Variants in ERBB4 observed in about 807,000 individuals in gnomAD.
ERBB4 encodes erb-b2 receptor tyrosine kinase 4.
Under a neutral mutation model 158.0 loss-of-function variants are expected in ERBB4, and 42 were observed. The observed-to-expected ratio is 0.27, with a 90% confidence interval of 0.21 to 0.34. ERBB4 has a LOEUF of 0.34. ERBB4 is among the 10% of genes least tolerant of loss of function. The pLI, the probability that ERBB4 is intolerant of heterozygous loss-of-function variation, is 1.00. For missense variants in ERBB4, 1,333 were observed against 1,624.1 expected (o/e 0.82, Z 3.08); for synonymous variants, 583 against 558.7 (o/e 1.04, Z -0.61).
chr2:212,432,146 A>G (rs1311230361), intron 1 of ERBB4, among the ~76,000 whole-genome samples: 1 of 152,172 alleles, frequency 6.6e-6, no homozygotes, highest in Non-Finnish European at 1.5e-5. Context: ...CTCTGTTGCT[A>G]TCACCTTGAG....
At position 212,316,691 on chromosome 2, in the gene ERBB4, C is replaced by T. The variant is rs76017934; in HGVS notation, c.83-191788G>A. ...TAGATGTATGGTGTCAGTTGAGAGA[C>T]TAGTAGCTGAGCAAGCATCTTCCTA... On this transcript the variant is annotated intron_variant, in intron 1 of 27. Transcript: ENST00000342788. Among the ~76,000 whole-genome samples, 798 of 151,450 alleles carry T rather than the reference C, an allele frequency of 5.3e-3. 4 individuals are homozygous for T. Among genetic ancestry groups the T allele is most frequent in the Middle Eastern group, 0.017 (5 of 294 alleles).
At chr2:212,398,375 C>T (rs1042810349) in intron 1 of ERBB4, among the ~76,000 whole-genome samples, 33 of 151,910 alleles carry the variant, frequency 2.2e-4, no homozygotes, top group African/African-American at 8.0e-4. Context: ...AACCAAATAT[C>T]CAACATAAGA....
chr2:212,359,276 A>C (rs891550418), intron 1 of ERBB4, among the ~76,000 whole-genome samples: 36 of 151,584 alleles, frequency 2.4e-4, no homozygotes, highest in East Asian at 7.7e-4. Context: ...GTATATATAT[A>C]CATATATATA....
chr2:211,743,991 G>T (rs557272684), intron 5 of ERBB4, among the ~76,000 whole-genome samples: 42 of 152,278 alleles, frequency 2.8e-4, no homozygotes, highest in African/African-American at 9.9e-4. Flanking sequence ...TAGAAAATCA[G>T]ACTCATGAGT....
chr2:211,833,360 C>T (rs1479054479), intron 3 of ERBB4, among the ~76,000 whole-genome samples: 1 of 152,066 alleles, frequency 6.6e-6, no homozygotes, highest in African/African-American at 2.4e-5. Context: ...CTCAGTGTTC[C>T]ACTGAAAAGA....
chr2:212,404,446 G>A (rs75058210), intron 1 of ERBB4, among the ~76,000 whole-genome samples: 2,182 of 151,980 alleles, frequency 0.014, 52 homozygotes, highest in African/African-American at 0.05. Flanking sequence ...ATATTTTTGA[G>A]CAATGACTAT....
chr2:212,055,871 C>T (rs1472768627), intron 2 of ERBB4, among the ~76,000 whole-genome samples: 1 of 152,222 alleles, frequency 6.6e-6, no homozygotes. Context: ...ATTAGACCAC[C>T]TCTCCCCGTC....
chr2:212,145,005 C>T (rs1339150747), intron 1 of ERBB4, among the ~76,000 whole-genome samples: 1 of 152,074 alleles, frequency 6.6e-6, no homozygotes, highest in Non-Finnish European at 1.5e-5. Flanking sequence ...CTAAAAAAAG[C>T]TTTATGTGTA....
chr2:211,687,974 T>C (rs773573560), intron 12 of ERBB4, among the ~76,000 whole-genome samples: 6 of 152,200 alleles, frequency 3.9e-5, no homozygotes, highest in Non-Finnish European at 7.3e-5. Flanking sequence ...AGTTATACTC[T>C]ACCACTTCAC....
At chr2:212,041,569 A>G (rs1303280889) in intron 2 of ERBB4, among the ~76,000 whole-genome samples, 1 of 151,908 alleles carries the variant, frequency 6.6e-6, no homozygotes, top group African/African-American at 2.4e-5. Flanking sequence ...AAGAAATAGT[A>G]GCAATATGGA....
intron 1 of ERBB4, among the ~76,000 whole-genome samples, chr2:212,235,479 A>T (rs533215357): frequency 6.4e-4 from 97 of 152,268 alleles, no homozygotes; most frequent in African/African-American, 2.0e-3. Context: ...TATAAAATTT[A>T]AAGTAGTTGG....
At position 211,689,352 on chromosome 2, in the gene ERBB4, A is replaced by G. The variant is rs186075224; in HGVS notation, c.1490-10168T>C. The stretch of plus-strand genomic sequence containing the variant: ...TTGGACTAAAGGTATGCACCATGAC[A>G]CCTGGCTACTTTTTTGTTGTTGTTT... On this transcript the variant is annotated intron_variant, in intron 12 of 27. Coordinates refer to ENST00000342788, the MANE Select transcript of ERBB4 (RefSeq NM_005235.3). Among the ~76,000 whole-genome samples the G allele has an allele frequency of 1.1e-4, 17 of 152,084 alleles. No homozygotes were observed. In the East Asian group the frequency reaches 3.3e-3, roughly 29 times the overall value.
intron 1 of ERBB4, among the ~76,000 whole-genome samples, chr2:212,278,590 G>A (rs2085634343): frequency 6.6e-6 from 1 of 151,424 alleles, no homozygotes; most frequent in Non-Finnish European, 1.5e-5. Context: ...TTGTGTACTT[G>A]GTAACTCTTC....
At chr2:211,514,521 A>G (rs1468242012) in intron 20 of ERBB4, among the ~76,000 whole-genome samples, 1 of 152,206 alleles carries the variant, frequency 6.6e-6, no homozygotes, top group Non-Finnish European at 1.5e-5. Flanking sequence ...CAGTGACTCA[A>G]TCTTCACTAC....
chr2:212,299,716 A>T (rs1267052644), intron 1 of ERBB4, among the ~76,000 whole-genome samples: 1 of 151,650 alleles, frequency 6.6e-6, no homozygotes, highest in Non-Finnish European at 1.5e-5. Flanking sequence ...GCCCCTGGAA[A>T]CAGATTTCAA....
intron 25 of ERBB4, among the ~76,000 whole-genome samples, chr2:211,412,035 A>G (rs2063273101): frequency 6.6e-6 from 1 of 152,104 alleles, no homozygotes; most frequent in South Asian, 2.1e-4. Context: ...GAGGGCCTGA[A>G]ATAGATTCAA....
intron 2 of ERBB4, among the ~76,000 whole-genome samples, chr2:211,968,187 T>C (rs886821912): frequency 9.9e-5 from 15 of 152,010 alleles, no homozygotes; most frequent in Non-Finnish European, 2.1e-4. Flanking sequence ...TCTCACAAAC[T>C]TGTGATTCCA....
intron 1 of ERBB4, among the ~76,000 whole-genome samples, chr2:212,416,481 T>TA (rs1574878268): frequency 6.6e-6 from 1 of 152,018 alleles, no homozygotes; most frequent in African/African-American, 2.4e-5. Context: ...CTTTTTATAT[T>TA]AAAAAAATAG....
At chr2:212,222,873 G>A (rs540825556) in intron 1 of ERBB4, among the ~76,000 whole-genome samples, 6 of 151,576 alleles carry the variant, frequency 4.0e-5, no homozygotes, top group African/African-American at 1.4e-4. Flanking sequence ...TGTTCAGAAG[G>A]ATCTTGCACT....
Sources: gnomAD v4.1 joint callset for allele counts (sites outside exome capture counted in the v4.1 genomes callset) on GRCh38, gnomAD v4.1.1 for gene constraint, MANE v1.5 for transcripts, NCBI Gene and HGNC (gene_info 2026-07-23, HGNC 2026-07-21) for gene names.